Variants in TAF2 observed in about 807,000 individuals in gnomAD.
TAF2 encodes TATA-box binding protein associated factor 2.
In TAF2, 61 loss-of-function variants were observed where a neutral mutation model predicts 138.5. That is an observed-to-expected ratio of 0.44 (90% confidence interval 0.36 to 0.54). The LOEUF is 0.54. Among genes scored for constraint, TAF2 ranks in the 20% least tolerant of loss-of-function variants. The pLI, the probability that TAF2 is intolerant of heterozygous loss-of-function variation, is 0.00. For missense variants in TAF2, 1,090 were observed against 1,427.9 expected (o/e 0.76, Z 3.81); for synonymous variants, 475 against 469.9 (o/e 1.01, Z -0.14).
intron 10 of TAF2, among the ~76,000 whole-genome samples, chr8:119,792,303 C>T (rs1823491876): frequency 6.6e-6 from 1 of 151,912 alleles, no homozygotes; most frequent in Non-Finnish European, 1.5e-5. Flanking sequence ...AGGCACCCAC[C>T]ACCACGCCTG....
chr8:119,735,531 C>A (rs1362579349), intron 25 of TAF2, among the ~76,000 whole-genome samples: 1 of 152,182 alleles, frequency 6.6e-6, no homozygotes, highest in South Asian at 2.1e-4. Context: ...GTGAACAAAT[C>A]AAAGTTTCTG....
Position 119,742,644 on chromosome 8 carries a change from T to C in TAF2, c.3227A>G (p.Tyr1076Cys). Residue 1076 changes from tyrosine to cysteine, a missense_variant, in exon 25 of 26, where the codon TAT becomes TGT. This residue lies in a region of TAF2 where 580 missense variants were observed against 719.6 expected (regional missense o/e 0.81). Coordinates refer to ENST00000378164, the MANE Select transcript of TAF2 (RefSeq NM_003184.4). ...ERPSTPGLSK[Y>C]RPASSRSALI... ...AGCAGATCGGGAGCTAGCTGGCCGA[T>C]ATTTCGAGAGCCCTAAAATGCCAAA... 1 of 1,613,830 alleles carries C rather than the reference T, an allele frequency of 6.2e-7. No individual in the cohort carries two copies. The highest frequency in any genetic ancestry group is 8.5e-7 in the Non-Finnish European group (1 of 1,179,916).
intron 22 of TAF2, among the ~76,000 whole-genome samples, chr8:119,749,926 C>G (rs1820233994): frequency 6.6e-6 from 1 of 152,142 alleles, no homozygotes; most frequent in Non-Finnish European, 1.5e-5. Context: ...ACTCTGAGAC[C>G]AAGCCTGTTT....
intron 18 of TAF2, among the ~76,000 whole-genome samples, chr8:119,768,266 G>C (rs554289494): frequency 6.6e-6 from 1 of 152,096 alleles, no homozygotes; most frequent in African/African-American, 2.4e-5. Context: ...ATACACCATC[G>C]AGCAGGCCAT....
intron 2 of TAF2, among the ~76,000 whole-genome samples, chr8:119,827,097 G>A (rs1826150620): frequency 6.6e-6 from 1 of 152,160 alleles, no homozygotes; most frequent in Non-Finnish European, 1.5e-5. Flanking sequence ...GGAGGCTGAG[G>A]TGGGATAACC....
intron 25 of TAF2, among the ~76,000 whole-genome samples, chr8:119,733,416 T>C (rs1455098658): frequency 6.6e-6 from 1 of 152,172 alleles, no homozygotes; most frequent in Non-Finnish European, 1.5e-5. Flanking sequence ...AGAAGGCCCA[T>C]ACTCTAGACT....
Position 119,793,309 on chromosome 8 carries a change from G to C in TAF2, c.1277+57C>G. On this transcript the variant is annotated intron_variant, in intron 10 of 25. Transcript: ENST00000378164. ...TGAAATACTATTTAGCTCTTAAATG[G>C]AATAATTGTTATATATAGTCAAGGT... is the stretch of plus-strand genomic sequence containing the variant. The C allele has an allele frequency of 9.9e-6, 14 of 1,415,872 alleles. No homozygotes were observed. The South Asian group carries it at 1.6e-4, about 17-fold the overall frequency. The allele number at this position is 1,415,872 out of a possible 1,614,324, so 87.7% of individuals were successfully genotyped here. A position where few individuals can be genotyped will look rare whatever the true frequency, so the allele number is the denominator to read the frequency against.
At chr8:119,774,716 C>T (rs1266606706) in intron 18 of TAF2, among the ~76,000 whole-genome samples, 2 of 152,112 alleles carry the variant, frequency 1.3e-5, no homozygotes, top group African/African-American at 2.4e-5. Context: ...ATAATAACTT[C>T]CCCTTATATG....
At chr8:119,735,786 A>C (rs1819186373) in intron 25 of TAF2, among the ~76,000 whole-genome samples, 1 of 152,234 alleles carries the variant, frequency 6.6e-6, no homozygotes, top group Admixed American at 6.5e-5. Context: ...TTCAGATTTT[A>C]ATACATAAAT....
chr8:119,799,552 C>T (rs1824093452), intron 6 of TAF2, among the ~76,000 whole-genome samples: 1 of 152,160 alleles, frequency 6.6e-6, no homozygotes, highest in Non-Finnish European at 1.5e-5. Flanking sequence ...TCCAGCCTAT[C>T]ACTGATGGAC....
intron 10 of TAF2, among the ~76,000 whole-genome samples, chr8:119,792,156 T>C (rs1028100562): frequency 9.9e-5 from 15 of 151,336 alleles, no homozygotes; most frequent in Middle Eastern, 3.4e-3. Flanking sequence ...TTTCTTTTTT[T>C]TTTTTTTTTT....
chr8:119,800,064 A>G (rs1824142050), intron 6 of TAF2, among the ~76,000 whole-genome samples: 2 of 152,070 alleles, frequency 1.3e-5, no homozygotes, highest in Admixed American at 6.6e-5. Flanking sequence ...AGATGAGTAG[A>G]TTGCAAAAAT....
At chr8:119,746,584 T>C (rs912563316) in intron 23 of TAF2, 121 bp downstream of exon 23, 40 of 1,079,936 alleles carry the variant, frequency 3.7e-5, no homozygotes, top group African/African-American at 1.6e-4. Flanking sequence ...CAGCATTTTT[T>C]AAAAGGACAC....
chr8:119,801,574 G>A (rs955075634), intron 6 of TAF2, among the ~76,000 whole-genome samples: 6 of 151,702 alleles, frequency 4.0e-5, no homozygotes, highest in Admixed American at 2.0e-4. Context: ...GACTACAGGC[G>A]CCCACCACCA....
chr8:119,732,335 T>G, intron 25 of TAF2, 149 bp from the exon 26 acceptor site: 2 of 726,182 alleles, frequency 2.8e-6, no homozygotes, highest in Non-Finnish European at 4.7e-6. Flanking sequence ...AAATAAGACA[T>G]GTAATTAGTT....
At position 119,820,829 on chromosome 8, in the gene TAF2, A is replaced by G. The variant is rs558727986; in HGVS notation, c.139-1323T>C. Among the ~76,000 whole-genome samples the G allele has an allele frequency of 4.6e-5, 7 of 152,358 alleles. No homozygotes were observed. The East Asian group carries it at 1.2e-3, about 25-fold the overall frequency. On this transcript the variant is annotated intron_variant, in intron 2 of 25. Coordinates refer to ENST00000378164, the MANE Select transcript of TAF2 (RefSeq NM_003184.4). ...ATATCTGTGAGCTAGAAACACAGAGAACAAAAGAACAAAGGCCAAAATAAA... is the reference window on the plus strand; with the variant it reads ...ATATCTGTGAGCTAGAAACACAGAGGACAAAAGAACAAAGGCCAAAATAAA...
chr8:119,820,169 C>T (rs1474366826), intron 2 of TAF2, among the ~76,000 whole-genome samples: 2 of 152,146 alleles, frequency 1.3e-5, no homozygotes, highest in East Asian at 3.9e-4. Context: ...AGACTGCCCA[C>T]CACCCTCTTG....
In TAF2 at chr8:119,742,787, T is replaced by C. The variant is rs748622291; in HGVS notation, c.3215-131A>G. 1.2e-4 allele frequency: 157 copies of C among 1,285,700 alleles called. 1 individual carries two copies. The highest frequency in any genetic ancestry group is 1.5e-4 in the Non-Finnish European group (139 of 927,804). The allele number at this position is 1,285,700 out of a possible 1,614,324, so 79.6% of individuals were successfully genotyped here. A position where few individuals can be genotyped will look rare whatever the true frequency, so the allele number is the denominator to read the frequency against. On this transcript the variant is annotated intron_variant, in intron 24 of 25. Transcript: ENST00000378164. ...TTCATCCACAGTAAAATTCTAACAA[T>C]TGAAAGAATACTAGCTGGGTGGAGT...
intron 22 of TAF2, among the ~76,000 whole-genome samples, chr8:119,751,016 A>G (rs1216761908): frequency 6.6e-6 from 1 of 152,222 alleles, no homozygotes; most frequent in Non-Finnish European, 1.5e-5. Flanking sequence ...AGAAATAAAA[A>G]AAACACTCTA....
Sources: allele counts gnomAD v4.1 joint callset (sites outside exome capture counted in the v4.1 genomes callset), GRCh38; gene constraint gnomAD v4.1.1; regional missense constraint gnomAD v4.1.1; transcripts MANE v1.5; gene names NCBI Gene and HGNC (gene_info 2026-07-23, HGNC 2026-07-21).